Variants in TTC7A observed in about 807,000 individuals in gnomAD.
The protein encoded by TTC7A is tetratricopeptide repeat protein 7A.
Under a neutral mutation model 103.7 loss-of-function variants are expected in TTC7A, and 110 were observed. The observed-to-expected ratio is 1.06, with a 90% CI of 0.91 to 1.24. The LOEUF (loss-of-function observed/expected upper bound fraction) is 1.24. Ranked by LOEUF, TTC7A falls within the 50% of genes most tolerant of loss-of-function variation. TTC7A has a pLI of 0.00. For missense variants in TTC7A, 1,340 were observed against 1,116.3 expected, an observed-to-expected ratio of 1.20 and a Z score of -2.86; for synonymous variants, 521 against 467.9, an observed-to-expected ratio of 1.11 and a Z score of -1.47.
intron 11 of TTC7A, among the ~76,000 whole-genome samples, chr2:47,020,752 T>A (rs894681362): frequency 6.6e-6 from 1 of 152,212 alleles, no homozygotes; most frequent in Non-Finnish European, 1.5e-5. Context: ...TGTCTCATGA[T>A]CTCACTTCCT....
intron 8 of TTC7A, among the ~76,000 whole-genome samples, chr2:46,998,437 G>C (rs1274113651): frequency 6.6e-6 from 1 of 152,058 alleles, no homozygotes; most frequent in Non-Finnish European, 1.5e-5. Context: ...TAGGGTATGG[G>C]TTCCACTCTA....
intron 3 of TTC7A, among the ~76,000 whole-genome samples, chr2:46,960,464 A>G (rs964369127): frequency 2.0e-5 from 3 of 152,144 alleles, no homozygotes; most frequent in Non-Finnish European, 1.5e-5. Context: ...CCTCTGATGT[A>G]TGTCTCTGAT....
Position 46,983,625 on chromosome 2 carries a change from C to G in TTC7A, c.764+4718C>G, listed in dbSNP as rs373611838. Among the ~76,000 whole-genome samples, 29 of 152,340 alleles carry G rather than the reference C, an allele frequency of 1.9e-4. No individual in the cohort carries two copies. In the South Asian group the frequency reaches 2.9e-3, roughly 15 times the overall value. On this transcript the variant is annotated intron_variant, in intron 5 of 19. Coordinates refer to ENST00000319190, the MANE Select transcript of TTC7A (RefSeq NM_020458.4). ...GTGACTTATGAAGCCCGGCACGGAC[C>G]TGGGGCAGTTGTGCCTGTAAGGCAG... is the stretch of plus-strand genomic sequence containing the variant.
chr2:47,031,717 C>T lies in TTC7A; in HGVS notation c.1802+2333C>T, dbSNP rs181415116. Among the ~76,000 whole-genome samples the T allele has an allele frequency of 3.1e-4, 47 of 152,358 alleles. 1 individual carries two copies. Among genetic ancestry groups the T allele is most frequent in the African/African-American group, 1.1e-3 (44 of 41,588 alleles). On this transcript the variant is annotated intron_variant, in intron 15 of 19. Transcript: ENST00000319190. ...GTTCCAGCTGAGGGGGCCCCTCCAT[C>T]CCAGCACCTGACATCTCACCCCTCA...
chr2:46,997,063 C>G (rs1288211809), intron 8 of TTC7A, among the ~76,000 whole-genome samples: 1 of 152,254 alleles, frequency 6.6e-6, no homozygotes, highest in Non-Finnish European at 1.5e-5. Flanking sequence ...ACTGCAACCT[C>G]TGTCTCCCAG....
At chr2:46,958,490 T>G (rs1369019739) in intron 3 of TTC7A, 1 of 1,304,042 alleles carries the variant, frequency 7.7e-7, no homozygotes, top group Admixed American at 2.3e-5. Context: ...CTCTCCTCTT[T>G]CCAGCATGCC....
chr2:47,008,221 C>T (rs1300254924), intron 10 of TTC7A, among the ~76,000 whole-genome samples: 1 of 152,158 alleles, frequency 6.6e-6, no homozygotes, highest in Admixed American at 6.5e-5. Context: ...AGGCCTAGGG[C>T]CAGAGCAGTG....
intron 5 of TTC7A, among the ~76,000 whole-genome samples, chr2:46,984,434 A>T (rs1420546303): frequency 6.6e-6 from 1 of 152,138 alleles, no homozygotes; most frequent in African/African-American, 2.4e-5. Flanking sequence ...CCCCTCTAAG[A>T]TGGGGCTTCT....
intron 3 of TTC7A, among the ~76,000 whole-genome samples, chr2:46,964,977 A>G (rs191305037): frequency 1.3e-5 from 2 of 152,002 alleles, no homozygotes; most frequent in Admixed American, 6.6e-5. Flanking sequence ...GTTCTCCTTC[A>G]CCTCACACCC....
At chr2:47,037,850 G>C (rs977865169) in intron 15 of TTC7A, among the ~76,000 whole-genome samples, 1 of 152,188 alleles carries the variant, frequency 6.6e-6, no homozygotes, top group Non-Finnish European at 1.5e-5. Flanking sequence ...AACATGTATT[G>C]AACCCTTTCT....
At chr2:47,051,920 C>A in intron 18 of TTC7A, 40 bp downstream of exon 18, 1 of 1,573,714 alleles carries the variant, frequency 6.4e-7, no homozygotes, top group Non-Finnish European at 8.6e-7. Flanking sequence ...AGCCTGTCTG[C>A]AGGCCACCCA....
At position 46,972,218 on chromosome 2, in the gene TTC7A, C is replaced by T. The variant is rs148355276; in HGVS notation, c.518-2755C>T. On this transcript the variant is annotated intron_variant, in intron 3 of 19. Transcript: ENST00000319190. ...GTCTTAAAAAAAAAAAGTAACCTGA[C>T]GCAAATACAGTTGTTTTTCCATACA... Among the ~76,000 whole-genome samples the T allele has an allele frequency of 5.2e-3, 781 of 151,574 alleles. 10 individuals carry two copies. The highest frequency in any genetic ancestry group is 0.019 in the Admixed American group (287 of 15,242).
chr2:46,940,438 A>G (rs1359747973), upstream of TTC7A, among the ~76,000 whole-genome samples: 1 of 152,024 alleles, frequency 6.6e-6, no homozygotes, highest in African/African-American at 2.4e-5. The surrounding 1 kb of genome is among the most constrained non-coding windows in gnomAD (Gnocchi z 4.7). Context: ...CCAAGGGTGG[A>G]CCTCGGCTGC....
intron 3 of TTC7A, chr2:46,958,515 G>A: frequency 7.7e-7 from 1 of 1,304,308 alleles, no homozygotes. Context: ...GCTTCTTGGG[G>A]GAACACAGTC....
intron 5 of TTC7A, among the ~76,000 whole-genome samples, chr2:46,982,459 A>G (rs2104299425): frequency 1.3e-5 from 2 of 152,188 alleles, no homozygotes; most frequent in African/African-American, 4.8e-5. Context: ...GGCAGACAGG[A>G]GAGTGAGAAC....
chr2:46,992,194 T>G (rs1243674541), intron 5 of TTC7A, among the ~76,000 whole-genome samples: 1 of 152,206 alleles, frequency 6.6e-6, no homozygotes, highest in Non-Finnish European at 1.5e-5. Context: ...GGGCAGCCCT[T>G]ACACTTTCCT....
chr2:46,958,575 C>T (rs114700821), intron 3 of TTC7A: 66,125 of 1,298,146 alleles, frequency 0.051, 1,811 homozygotes, highest in Middle Eastern at 0.081. Context: ...GCGCTGCCGG[C>T]GCGGGCTGCT....
intron 2 of TTC7A, among the ~76,000 whole-genome samples, chr2:46,927,261 C>G (rs1472038688): frequency 6.8e-6 from 1 of 146,110 alleles, no homozygotes; most frequent in Non-Finnish European, 1.5e-5. Flanking sequence ...AAATCCCAAG[C>G]AAAGTTAATG....
chr2:47,039,653 C>T (rs1051862963), intron 15 of TTC7A, among the ~76,000 whole-genome samples: 2 of 152,228 alleles, frequency 1.3e-5, no homozygotes, highest in Admixed American at 1.3e-4. Flanking sequence ...TTCTCTTTGC[C>T]TCACATGGGA....
Sources: allele counts gnomAD v4.1 joint callset (sites outside exome capture counted in the v4.1 genomes callset), GRCh38; gene constraint gnomAD v4.1.1; non-coding constraint Gnocchi (gnomAD v3.1); transcripts MANE v1.5; gene names NCBI Gene and HGNC (gene_info 2026-07-23, HGNC 2026-07-21).